The following BAIAP2L1 variants were observed in gnomAD, a reference collection of about 807,000 sequenced individuals.
The protein encoded by BAIAP2L1 is BAR/IMD domain-containing adapter protein 2-like 1.
BAIAP2L1 carries 35 observed loss-of-function variants against 66.3 expected under a neutral mutation model. That is an observed-to-expected ratio of 0.53 (90% CI 0.40 to 0.70). BAIAP2L1 has a LOEUF of 0.70. BAIAP2L1 is among the 30% of genes least tolerant of loss of function. The pLI is 0.00. For synonymous variants in BAIAP2L1, 269 were observed against 248.7 expected (o/e 1.08, Z -0.77); for missense variants, 622 against 656.9 (o/e 0.95, Z 0.58).
intron 3 of BAIAP2L1, among the ~76,000 whole-genome samples, chr7:98,332,244 G>A (rs1387261260): frequency 1.3e-5 from 2 of 151,332 alleles, no homozygotes; most frequent in African/African-American, 4.9e-5. Flanking sequence ...TTAGCCGGGT[G>A]TGGTGGCGCA....
At chr7:98,373,913 G>A (rs1350596746) in intron 1 of BAIAP2L1, among the ~76,000 whole-genome samples, 2 of 152,212 alleles carry the variant, frequency 1.3e-5, no homozygotes, top group Admixed American at 6.5e-5. Context: ...ACGGGACAAA[G>A]GACATTGAAG....
chr7:98,368,995 G>A (rs1214009715), intron 1 of BAIAP2L1, among the ~76,000 whole-genome samples: 1 of 151,270 alleles, frequency 6.6e-6, no homozygotes, highest in East Asian at 1.9e-4. Context: ...GGGTTCAATG[G>A]CTGCGTCACA....
At chr7:98,400,011 C>T (rs1348385924) in intron 1 of BAIAP2L1, 1 of 151,970 alleles carries the variant, frequency 6.6e-6, no homozygotes, top group African/African-American at 2.4e-5. Context: ...GGAGTTTCAC[C>T]CCCACATTCT....
intron 10 of BAIAP2L1, 30 bp from the exon 11 acceptor site, chr7:98,306,546 T>C (rs1800664536): frequency 6.2e-7 from 1 of 1,614,004 alleles, no homozygotes; most frequent in Non-Finnish European, 8.5e-7. Context: ...AAAGACCCTA[T>C]CAGCAGTAGA....
At chr7:98,362,519 G>T in intron 1 of BAIAP2L1, 87 bp from the exon 2 acceptor site, 2 of 1,057,122 alleles carry the variant, frequency 1.9e-6, no homozygotes, top group Non-Finnish European at 2.9e-6. Context: ...GCCCAGGATA[G>T]CTATGGATGC....
At chr7:98,357,233 T>G (rs964910498) in intron 2 of BAIAP2L1, among the ~76,000 whole-genome samples, 29 of 149,048 alleles carry the variant, frequency 1.9e-4, no homozygotes, top group Non-Finnish European at 3.7e-4. Context: ...CAGTAGTATA[T>G]TTTTTCTGGC....
intron 1 of BAIAP2L1, 95 bp downstream of exon 1, chr7:98,400,707 C>T: frequency 7.2e-7 from 1 of 1,389,626 alleles, no homozygotes; most frequent in Non-Finnish European, 1.0e-6. Flanking sequence ...GGGAGGGGAG[C>T]TGGAGGGAGG....
intron 2 of BAIAP2L1, among the ~76,000 whole-genome samples, chr7:98,359,030 C>T (rs967862293): frequency 2.0e-5 from 3 of 152,206 alleles, no homozygotes; most frequent in Non-Finnish European, 2.9e-5. Context: ...AGGACAGAGT[C>T]TGGCCTCCTT....
intron 1 of BAIAP2L1, chr7:98,386,638 C>A: frequency 6.9e-7 from 1 of 1,445,046 alleles, no homozygotes; most frequent in Non-Finnish European, 9.3e-7. Context: ...ATGTTCTTTC[C>A]GAGAACTTTT....
At chr7:98,360,592 C>T (rs575240952) in intron 2 of BAIAP2L1, among the ~76,000 whole-genome samples, 4 of 150,890 alleles carry the variant, frequency 2.7e-5, no homozygotes, top group African/African-American at 9.8e-5. Context: ...CTCACTGGCT[C>T]ACCTTGTAAA....
intron 1 of BAIAP2L1, among the ~76,000 whole-genome samples, chr7:98,381,029 C>T (rs182938623): frequency 3.3e-5 from 5 of 152,156 alleles, no homozygotes; most frequent in Admixed American, 1.3e-4. Flanking sequence ...CAGCTGGACA[C>T]GCACCACTGG....
chr7:98,337,122 C>T (rs138971149), intron 3 of BAIAP2L1, among the ~76,000 whole-genome samples: 3 of 152,248 alleles, frequency 2.0e-5, no homozygotes, highest in Admixed American at 6.5e-5. Flanking sequence ...AAACTCTTCA[C>T]GGGGTCACGG....
chr7:98,302,633 C>T (rs1344880152), intron 12 of BAIAP2L1, among the ~76,000 whole-genome samples: 2 of 152,136 alleles, frequency 1.3e-5, no homozygotes, highest in Admixed American at 1.3e-4. Context: ...ATGGGGGACA[C>T]CCTCCAGGAC....
intron 3 of BAIAP2L1, among the ~76,000 whole-genome samples, chr7:98,336,708 T>C (rs1427393620): frequency 6.6e-6 from 1 of 152,258 alleles, no homozygotes; most frequent in East Asian, 1.9e-4. Context: ...ATTTGCTCCC[T>C]GCATAGGCAT....
intron 1 of BAIAP2L1, among the ~76,000 whole-genome samples, chr7:98,375,742 CAAAAAAAAAA>C (rs372282399): frequency 6.8e-5 from 4 of 59,082 alleles, no homozygotes; most frequent in African/African-American, 1.4e-4. Context: ...AAGTCCATCT[CAAAAAAAAAA>C]AAAAAAAAAA....
intron 1 of BAIAP2L1, among the ~76,000 whole-genome samples, chr7:98,399,825 A>C (rs1045156814): frequency 3.3e-5 from 5 of 152,228 alleles, no homozygotes; most frequent in Non-Finnish European, 2.9e-5. Flanking sequence ...GCATTCCTTA[A>C]GGTTAGGTCA....
chr7:98,294,397 G>A (rs1800099808), intron 12 of BAIAP2L1, among the ~76,000 whole-genome samples: 1 of 152,188 alleles, frequency 6.6e-6, no homozygotes, highest in Admixed American at 6.5e-5. Context: ...AATTCACTTG[G>A]AAGAATAAGG....
At chr7:98,376,899 A>T (rs1301000806) in intron 1 of BAIAP2L1, among the ~76,000 whole-genome samples, 3 of 152,070 alleles carry the variant, frequency 2.0e-5, no homozygotes, top group Non-Finnish European at 4.4e-5. Flanking sequence ...CTATGAAGGT[A>T]TTTTGTAGAT....
At chr7:98,391,318 A>G (rs985878246) in intron 1 of BAIAP2L1, among the ~76,000 whole-genome samples, 5 of 152,148 alleles carry the variant, frequency 3.3e-5, no homozygotes, top group African/African-American at 1.2e-4. Flanking sequence ...TTTTTTAAAG[A>G]AAGAGAAACC....
Sources: gnomAD v4.1 joint callset for allele counts (sites outside exome capture counted in the v4.1 genomes callset) on GRCh38, gnomAD v4.1.1 for gene constraint, MANE v1.5 for transcripts, NCBI Gene and HGNC (gene_info 2026-07-23, HGNC 2026-07-21) for gene names.